Variants in MOCOS observed in about 807,000 individuals in gnomAD.
MOCOS encodes the protein human molybdenum cofactor sulfurase.
In MOCOS, 86 loss-of-function variants were observed where a neutral mutation model predicts 83.6. The observed-to-expected ratio is 1.03, with a 90% confidence interval of 0.86 to 1.23. The LOEUF (loss-of-function observed/expected upper bound fraction) is 1.23, where lower values mean the gene tolerates loss of function less well. Ranked by LOEUF, MOCOS falls within the 50% of genes most tolerant of loss-of-function variation. The pLI is 0.00. For missense variants in MOCOS, 1,120 were observed against 1,126.9 expected (o/e 0.99, Z 0.09); for synonymous variants, 445 against 434.7 (o/e 1.02, Z -0.29).
chr18:36,191,845 A>G (rs1295304818), intron 1 of MOCOS, among the ~76,000 whole-genome samples: 1 of 152,188 alleles, frequency 6.6e-6, no homozygotes, highest in East Asian at 1.9e-4. Flanking sequence ...GCTATCTTCT[A>G]TTTTGTTCAT....
intron 8 of MOCOS, among the ~76,000 whole-genome samples, chr18:36,216,401 A>G (rs139329219): frequency 6.6e-6 from 1 of 152,322 alleles, no homozygotes; most frequent in African/African-American, 2.4e-5. Flanking sequence ...AAGATATGTC[A>G]AAAGGACACA....
intron 6 of MOCOS, among the ~76,000 whole-genome samples, chr18:36,212,498 C>T (rs1374452763): frequency 6.6e-6 from 1 of 152,162 alleles, no homozygotes; most frequent in Non-Finnish European, 1.5e-5. Context: ...AGCTGGGAAA[C>T]TCCTGAATTC....
intron 9 of MOCOS, among the ~76,000 whole-genome samples, chr18:36,239,124 G>A (rs2091571075): frequency 6.7e-6 from 1 of 150,184 alleles, no homozygotes; most frequent in Non-Finnish European, 1.5e-5. Flanking sequence ...GGAGCATTTA[G>A]TCCATTTACA....
At chr18:36,214,460 G>A (rs528203493) in intron 7 of MOCOS, among the ~76,000 whole-genome samples, 63 of 152,038 alleles carry the variant, frequency 4.1e-4, no homozygotes, top group Admixed American at 7.2e-4. Context: ...GGTTGGGTGC[G>A]GTGTGGAACT....
chr18:36,219,525 A>G (rs2091487936), intron 8 of MOCOS, among the ~76,000 whole-genome samples: 1 of 152,070 alleles, frequency 6.6e-6, no homozygotes, highest in South Asian at 2.1e-4. Flanking sequence ...CTAAAAATAC[A>G]AAACTTAGCC....
intron 7 of MOCOS, among the ~76,000 whole-genome samples, 194 bp downstream of exon 7, chr18:36,213,676 C>T (rs1021832176): frequency 6.6e-6 from 1 of 152,208 alleles, no homozygotes; most frequent in Non-Finnish European, 1.5e-5. Flanking sequence ...CGCCTGTAAT[C>T]CCAGCACTTT....
At chr18:36,197,449 G>GT (rs199855630) in intron 2 of MOCOS, among the ~76,000 whole-genome samples, 8,337 of 22,116 alleles carry the variant, frequency 0.38, 322 homozygotes, top group East Asian at 0.52. Flanking sequence ...AGTGAGGAGA[G>GT]ATTTTTTTTT....
At chr18:36,229,463 A>G (rs1264957407) in intron 9 of MOCOS, among the ~76,000 whole-genome samples, 1 of 151,986 alleles carries the variant, frequency 6.6e-6, no homozygotes, top group African/African-American at 2.4e-5. Flanking sequence ...ATCTGATTAT[A>G]TGTGTCTTGG....
In MOCOS at chr18:36,266,814, G is replaced by A. The variant is rs149036890; in HGVS notation, c.2475G>A (p.Gln825=). The change falls in exon 14 of 15, where the codon CAG becomes CAA. Residue 825 remains glutamine (Q), a synonymous_variant. Transcript: ENST00000261326. ...ACCAGCAAACTGGGCAACGAAACCA[G>A]CATGTTTTCCAAAAACTTTCTGAGA... The part of the protein sequence containing the change: ...CIDQQTGQRN[Q]HVFQKLSESR... 6.2e-7 allele frequency: 1 copy of A among 1,613,988 alleles called. No individual in the cohort carries two copies. Among genetic ancestry groups the A allele is most frequent in the Non-Finnish European group, 8.5e-7 (1 of 1,180,050 alleles).
chr18:36,213,257 G>C (rs2091461867), intron 6 of MOCOS, 109 bp from the exon 7 acceptor site: 1 of 855,132 alleles, frequency 1.2e-6, no homozygotes, highest in Non-Finnish European at 2.0e-6. Flanking sequence ...TTCCAGGCTT[G>C]TATCATCATT....
intron 1 of MOCOS, among the ~76,000 whole-genome samples, chr18:36,192,975 A>G (rs973977942): frequency 2.0e-5 from 3 of 152,092 alleles, no homozygotes; most frequent in Non-Finnish European, 4.4e-5. Flanking sequence ...AAGAAGATCA[A>G]AGTTAGAGGA....
intron 4 of MOCOS, among the ~76,000 whole-genome samples, chr18:36,202,235 C>T (rs555564740): frequency 3.0e-4 from 45 of 152,272 alleles, no homozygotes; most frequent in Middle Eastern, 3.4e-3. Context: ...CGAAGTACAT[C>T]CCTTGACAGA....
At chr18:36,245,786 A>G (rs550281550) in intron 9 of MOCOS, among the ~76,000 whole-genome samples, 1 of 152,188 alleles carries the variant, frequency 6.6e-6, no homozygotes, top group Non-Finnish European at 1.5e-5. Context: ...GTCATTTAAA[A>G]TAATCCAAAA....
At chr18:36,250,777 A>G (rs977808566) in intron 10 of MOCOS, among the ~76,000 whole-genome samples, 4 of 152,238 alleles carry the variant, frequency 2.6e-5, no homozygotes, top group African/African-American at 9.6e-5. Flanking sequence ...GTGAGAGAAG[A>G]TATTTCAATC....
intron 4 of MOCOS, among the ~76,000 whole-genome samples, chr18:36,202,576 G>T (rs575832313): frequency 7.9e-5 from 12 of 152,312 alleles, no homozygotes; most frequent in African/African-American, 2.9e-4. Flanking sequence ...GGTGTACAAA[G>T]TGCCCCCATC....
chr18:36,229,320 G>A (rs957115456), intron 9 of MOCOS, among the ~76,000 whole-genome samples: 1 of 151,874 alleles, frequency 6.6e-6, no homozygotes, highest in African/African-American at 2.4e-5. Context: ...TTAATAGTTT[G>A]AATATATCAT....
At chr18:36,258,183 C>A (rs976629193) in intron 12 of MOCOS, among the ~76,000 whole-genome samples, 4 of 152,050 alleles carry the variant, frequency 2.6e-5, no homozygotes, top group Non-Finnish European at 4.4e-5. Flanking sequence ...TGCTGTCACC[C>A]CAGTTCCTAC....
chr18:36,195,276 T>C lies in MOCOS; in HGVS notation c.162T>C (p.His54=). The change falls in exon 2 of 15, where the codon CAT becomes CAC. Residue 54 remains histidine, a synonymous_variant. Transcript: ENST00000261326. The stretch of plus-strand genomic sequence containing the variant: ...TTTCAGGAACTGTCTATCTTGACCA[T>C]GCAGGTGCCACCTTGTTCTCCCAGA... ...SRLAGTVYLD[H]AGATLFSQSQ... is the part of the protein sequence containing the mutation. 3 of 1,614,176 alleles carry C rather than the reference T, an allele frequency of 1.9e-6. No individual in the cohort carries two copies. Among genetic ancestry groups the C allele is most frequent in the Non-Finnish European group, 2.5e-6 (3 of 1,179,984 alleles).
intron 6 of MOCOS, among the ~76,000 whole-genome samples, chr18:36,207,212 T>G (rs2091438042): frequency 6.6e-6 from 1 of 152,126 alleles, no homozygotes; most frequent in Non-Finnish European, 1.5e-5. Flanking sequence ...AATTTTTGTA[T>G]TTTTAGTAGA....
Sources: allele counts gnomAD v4.1 joint callset (sites outside exome capture counted in the v4.1 genomes callset), GRCh38; gene constraint gnomAD v4.1.1; transcripts MANE v1.5; gene names NCBI Gene and HGNC (gene_info 2026-07-23, HGNC 2026-07-21).